The following PSG9 variants were observed in gnomAD, a reference collection of about 807,000 sequenced individuals.
The protein encoded by PSG9 is pregnancy specific beta-1-glycoprotein 9, also known as pregnancy-specific beta-1-glycoprotein 9.
PSG9 carries 49 observed loss-of-function variants against 41.9 expected under a neutral mutation model. The ratio of observed to expected loss-of-function variants is 1.17; its 90% CI spans 0.93 to 1.48. The LOEUF (loss-of-function observed/expected upper bound fraction) is 1.48, where lower values mean the gene tolerates loss of function less well. Among genes scored for constraint, PSG9 ranks in the 40% most tolerant of loss-of-function variants. PSG9 has a pLI of 0.00. For missense variants in PSG9, 641 were observed against 520.3 expected (o/e 1.23, Z -2.26); for synonymous variants, 263 against 196.8 (o/e 1.34, Z -2.82).
At chr19:43,261,130 G>T (rs1394812903) in intron 3 of PSG9, among the ~76,000 whole-genome samples, 1 of 152,058 alleles carries the variant, frequency 6.6e-6, no homozygotes. Flanking sequence ...CCTTTGCAGA[G>T]GGCAGGTGGC....
chr19:43,268,247 C>T, intron 1 of PSG9, 98 bp from the exon 2 acceptor site: 1 of 1,432,460 alleles, frequency 7.0e-7, no homozygotes, highest in Non-Finnish European at 9.4e-7. Flanking sequence ...CATCCTCAGC[C>T]TTGAAGATAC....
At chr19:43,260,272 C>G (rs866962324) in intron 3 of PSG9, 4 of 147,036 alleles carry the variant, frequency 2.7e-5, no homozygotes, top group Admixed American at 2.7e-4. Flanking sequence ...AGCTTGATGC[C>G]TATAGTTCAC....
intron 3 of PSG9, among the ~76,000 whole-genome samples, chr19:43,261,457 C>T (rs1275882624): frequency 6.6e-6 from 1 of 152,012 alleles, no homozygotes; most frequent in African/African-American, 2.4e-5. Flanking sequence ...TGCATCCAGG[C>T]CATGTGGAGC....
rs1242956780 is a variant in PSG9, at chr19:43,253,473, C to T, written c.*136G>A. 8 of 427,282 alleles carry T rather than the reference C, an allele frequency of 1.9e-5. 1 individual carries two copies. The highest frequency in any genetic ancestry group is 2.9e-5 in the Non-Finnish European group (7 of 240,464). The allele number at this position is 427,282 out of a possible 1,614,324, so 26.5% of individuals were successfully genotyped here. On this transcript the variant is annotated 3_prime_UTR_variant, in exon 6 of 6. Transcript: ENST00000270077. ...GAATAAAACATTCAAAGAATCAGCA[C>T]ATTTTCCAATAAAAAATTATGAAAA...
intron 2 of PSG9, 128 bp downstream of exon 2, chr19:43,267,656 C>T: frequency 1.3e-6 from 2 of 1,502,428 alleles, no homozygotes; most frequent in South Asian, 2.3e-5. Context: ...GCACTAAATG[C>T]CCAAACCCCA....
In PSG9 at chr19:43,258,729, A is replaced by G. The variant is rs1968560116; in HGVS notation, c.988+128T>C. On this transcript the variant is annotated intron_variant, in intron 4 of 5. Coordinates refer to ENST00000270077, the MANE Select transcript of PSG9 (RefSeq NM_002784.5). ...CCAGGTTTTCCCAGGGCAGGGAGTCATGGCCACCTCGGATGTCTAGAAGTA... is the reference window on the plus strand; with the variant it reads ...CCAGGTTTTCCCAGGGCAGGGAGTCGTGGCCACCTCGGATGTCTAGAAGTA... 1.3e-5 allele frequency: 19 copies of G among 1,455,914 alleles called. 4 individuals are homozygous for G. The South Asian group carries it at 2.0e-4, about 16-fold the overall frequency. The allele number at this position is 1,455,914 out of a possible 1,614,324, so 90.2% of individuals were successfully genotyped here. A position where few individuals can be genotyped will look rare whatever the true frequency, so the allele number is the denominator to read the frequency against.
In PSG9 at chr19:43,267,818, T is replaced by C. The variant is rs1163753093; in HGVS notation, c.396A>G (p.Arg132=). ...TGAAGGTGAAATGTCGAATTTCTTC[T>C]CTAGTCTCATCACCTCGCTTTATGA... ...LHIIKRGDET[R]EEIRHFTFTL... The change falls in exon 2 of 6, where the codon AGA becomes AGG. Residue 132 remains arginine (R), a synonymous_variant. Transcript: ENST00000270077. The C allele has an allele frequency of 2.5e-6, 4 of 1,613,434 alleles. No individual in the cohort carries two copies. The highest frequency in any genetic ancestry group is 1.3e-5 in the African/African-American group (1 of 75,024).
chr19:43,254,281 G>T (rs1380898379), intron 5 of PSG9, among the ~76,000 whole-genome samples: 1 of 146,110 alleles, frequency 6.8e-6, no homozygotes, highest in East Asian at 2.4e-4. Flanking sequence ...AACTTTCCTG[G>T]TGTCATATGG....
chr19:43,258,403 C>T lies in PSG9; in HGVS notation c.1042G>A (p.Glu348Lys). ...GTGAAGCAGGACAAGTCGAGGTTTT[C>T]TCCTGAACGGTAATAGGTGAATGAA... The part of the protein sequence containing the change: ...YPSFTYYRSG[E>K]NLDLSCFTES... The change falls in exon 5 of 6, where the codon GAA becomes AAA. Residue 348 changes from glutamate to lysine, a missense_variant. Transcript: ENST00000270077. 1 of 1,591,284 alleles carries T rather than the reference C, an allele frequency of 6.3e-7. No individual in the cohort carries two copies. Among genetic ancestry groups the T allele is most frequent in the Non-Finnish European group, 8.5e-7 (1 of 1,173,816 alleles).
At chr19:43,267,441 C>A (rs752530271) in intron 2 of PSG9, among the ~76,000 whole-genome samples, 2 of 152,070 alleles carry the variant, frequency 1.3e-5, no homozygotes, top group Non-Finnish European at 2.9e-5. Flanking sequence ...CTCAGGGGTC[C>A]CCTCAAGCCA....
chr19:43,269,339 T>C (rs1039441799), intron 1 of PSG9, 29 bp downstream of exon 1: 6 of 1,612,938 alleles, frequency 3.7e-6, no homozygotes, highest in Non-Finnish European at 5.1e-6. Context: ...TTCCTCCCCC[T>C]GTCCTCTCCC....
In PSG9 at chr19:43,267,509, T is replaced by G. The variant is rs143631164; in HGVS notation, c.430+275A>C. ...GGTCAAATTTATGAAGAGGGCATGA[T>G]GTGCTTGGCTGAGACTGATCTCCTC... is the stretch of plus-strand genomic sequence containing the variant. On this transcript the variant is annotated intron_variant, in intron 2 of 5. Transcript: ENST00000270077. 5.9e-3 allele frequency among the ~76,000 whole-genome samples: 898 copies of G among 152,242 alleles called. 12 individuals are homozygous for G. Among genetic ancestry groups the G allele is most frequent in the African/African-American group, 0.018 (755 of 41,546 alleles).
At position 43,268,076 on chromosome 19, in the gene PSG9, A is replaced by G. The variant is rs187953281; in HGVS notation, c.138T>C (p.Ser46=). 8 of 1,613,662 alleles carry G rather than the reference A, an allele frequency of 5.0e-6. No individual in the cohort carries two copies. The highest frequency in any genetic ancestry group is 2.2e-5 in the East Asian group (1 of 44,866). ...CAAGTAGAAGAACATCCTTCCCCTC[A>G]GAAACTTTGGGTGGCTGGGCTTCAA... ...VTIEAQPPKV[S]EGKDVLLLVH... Residue 46 remains serine, a synonymous_variant, in exon 2 of 6, where the codon TCT becomes TCC. Coordinates refer to ENST00000270077, the MANE Select transcript of PSG9 (RefSeq NM_002784.5).
At position 43,269,214 on chromosome 19, in the gene PSG9, C is replaced by A. The variant is rs530945860; in HGVS notation, c.64+154G>T. ...AGAGACTGGGCTTCACTGCATTGGC[C>A]GGACTGATCTTGAACTCCTGATCTC... On this transcript the variant is annotated intron_variant, in intron 1 of 5. Transcript: ENST00000270077. Among the ~76,000 whole-genome samples the A allele has an allele frequency of 2.6e-5, 4 of 152,084 alleles. No individual in the cohort carries two copies. In the South Asian group the frequency reaches 8.3e-4, roughly 32 times the overall value.
At chr19:43,265,163 T>C (rs780627194) in intron 2 of PSG9, among the ~76,000 whole-genome samples, 2 of 152,154 alleles carry the variant, frequency 1.3e-5, no homozygotes, top group Admixed American at 6.5e-5. Context: ...AGTTCCTCCA[T>C]AAAACTAACA....
intron 5 of PSG9, among the ~76,000 whole-genome samples, chr19:43,253,967 T>C (rs1968357722): frequency 6.8e-6 from 1 of 146,298 alleles, no homozygotes; most frequent in African/African-American, 2.6e-5. Context: ...AATTACCTTG[T>C]ATGTCTAATC....
At chr19:43,263,508 G>A (rs567473408) in intron 2 of PSG9, among the ~76,000 whole-genome samples, 4 of 151,834 alleles carry the variant, frequency 2.6e-5, no homozygotes, top group Non-Finnish European at 4.4e-5. Context: ...TCTGGATTTG[G>A]GATGCTCAAT....
At chr19:43,254,365 A>T (rs1488732244) in intron 5 of PSG9, among the ~76,000 whole-genome samples, 1 of 146,556 alleles carries the variant, frequency 6.8e-6, no homozygotes, top group African/African-American at 2.6e-5. Flanking sequence ...GTAGTAATAT[A>T]GCAGCTGACA....
intron 2 of PSG9, among the ~76,000 whole-genome samples, chr19:43,262,724 G>A (rs1471465890): frequency 1.3e-5 from 2 of 152,132 alleles, no homozygotes; most frequent in East Asian, 3.9e-4. Context: ...CCACAAGGTG[G>A]GGCAGTTTGC....
Sources: allele counts gnomAD v4.1 joint callset (sites outside exome capture counted in the v4.1 genomes callset), GRCh38; gene constraint gnomAD v4.1.1; transcripts MANE v1.5; gene names NCBI Gene and HGNC (gene_info 2026-07-23, HGNC 2026-07-21).